Variants in COL4A4 observed in about 807,000 individuals in gnomAD.
The protein encoded by COL4A4 is collagen alpha-4(IV) chain.
Under a neutral mutation model 192.9 loss-of-function variants are expected in COL4A4, and 105 were observed. The ratio of observed to expected loss-of-function variants is 0.54; its 90% CI spans 0.46 to 0.64. COL4A4 has a LOEUF of 0.64. Among genes scored for constraint, COL4A4 ranks in the 30% least tolerant of loss-of-function variants. The probability of loss-of-function intolerance (pLI) is 0.00; values close to 1 mark genes in which losing one functional copy is unlikely to be tolerated. For synonymous variants in COL4A4, 762 were observed against 769.9 expected (o/e 0.99, Z 0.17); for missense variants, 1,967 against 2,169.3 (o/e 0.91, Z 1.85).
Position 227,045,861 on chromosome 2 carries a change from TACAC to T in COL4A4, c.3289+1610_3289+1613del, listed in dbSNP as rs1559488341. Among the ~76,000 whole-genome samples, 776 of 87,736 alleles carry T rather than the reference TACAC, an allele frequency of 8.8e-3. 87 individuals are homozygous for T. Among genetic ancestry groups the T allele is most frequent in the African/African-American group, 0.028 (527 of 18,684 alleles). The allele number at this position is 87,736 out of a possible 152,430, so 57.6% of individuals were successfully genotyped here. On this transcript the variant is annotated intron_variant, in intron 35 of 47. Transcript: ENST00000396625. Reference sequence around the variant, plus strand: ...ACATATATATATACACATATATATATACACATATATATACATATATATGTATATA... The same window carrying T: ...ACATATATATATACACATATATATATATATATATACATATATATGTATATA...
intron 37 of COL4A4, among the ~76,000 whole-genome samples, chr2:227,039,249 C>T (rs1970308600): frequency 6.6e-6 from 1 of 152,194 alleles, no homozygotes; most frequent in Non-Finnish European, 1.5e-5. Flanking sequence ...TCACTGCAAC[C>T]TCCACCTCCT....
the COL4A4 span, chr2:226,988,867 TG>T: frequency 4.6e-6 from 1 of 219,496 alleles, no homozygotes; most frequent in Non-Finnish European, 7.7e-6. Context: ...CCTTACTCCT[TG>T]TCAAAGGAGA....
In COL4A4 at chr2:227,114,595, A is replaced by T. The variant is rs188634442; in HGVS notation, c.558+33T>A. On this transcript the variant is annotated intron_variant, in intron 8 of 47. Transcript: ENST00000396625. ...ATGGGCTTACCTATTTGGAAGAAAA[A>T]ATTTTTTAACCCATCATGATCATAA... is the stretch of plus-strand genomic sequence containing the variant. 338 of 1,589,392 alleles carry T rather than the reference A, an allele frequency of 2.1e-4. 1 individual carries two copies. Among genetic ancestry groups the T allele is most frequent in the Non-Finnish European group, 2.7e-4 (316 of 1,157,492 alleles).
At chr2:226,995,633 G>A in the COL4A4 span, 1 of 770,306 alleles carries the variant, frequency 1.3e-6, no homozygotes, top group East Asian at 2.7e-5. Context: ...GAGTACACCG[G>A]TATTGCTCCA....
chr2:227,145,453 A>T (rs1188250214), intron 2 of COL4A4, among the ~76,000 whole-genome samples: 1 of 152,188 alleles, frequency 6.6e-6, no homozygotes, highest in Non-Finnish European at 1.5e-5. Context: ...TCTCAAAACA[A>T]CAAAACAAAA....
intron 12 of COL4A4, 140 bp from the exon 13 acceptor site, chr2:227,104,192 T>A (rs780723585): frequency 1.4e-6 from 1 of 727,032 alleles, no homozygotes; most frequent in South Asian, 1.5e-5. Flanking sequence ...CATCATAGAA[T>A]ATAAAAGGAT....
chr2:226,978,698 G>A, the COL4A4 span, among the ~76,000 whole-genome samples: 2 of 152,174 alleles, frequency 1.3e-5, no homozygotes, highest in African/African-American at 4.8e-5. Flanking sequence ...TTAGATTCAC[G>A]AGTAATCACT....
the COL4A4 span, among the ~76,000 whole-genome samples, chr2:226,978,377 G>A: frequency 6.6e-6 from 1 of 152,268 alleles, no homozygotes; most frequent in East Asian, 1.9e-4. Flanking sequence ...GGATGGTAAA[G>A]GGAAACATGT....
intron 19 of COL4A4, among the ~76,000 whole-genome samples, chr2:227,098,071 G>T (rs2060300333): frequency 6.6e-6 from 1 of 152,144 alleles, no homozygotes; most frequent in Non-Finnish European, 1.5e-5. Flanking sequence ...TTTACCAAAT[G>T]CCACTGTGGC....
At chr2:227,028,242 C>T (rs1967432040) in intron 41 of COL4A4, among the ~76,000 whole-genome samples, 1 of 152,086 alleles carries the variant, frequency 6.6e-6, no homozygotes. Context: ...CAAGACAAGA[C>T]CAAATTACAA....
intron 33 of COL4A4, among the ~76,000 whole-genome samples, chr2:227,050,663 T>G (rs1176940009): frequency 6.6e-6 from 1 of 152,132 alleles, no homozygotes; most frequent in Non-Finnish European, 1.5e-5. Context: ...AGGATTTGGG[T>G]GATTTTTCAG....
the COL4A4 span, among the ~76,000 whole-genome samples, chr2:226,970,909 GC>G: frequency 6.6e-6 from 1 of 152,110 alleles, no homozygotes; most frequent in Admixed American, 6.5e-5. Context: ...ACTTTTGAAA[GC>G]CCTGCCCCAC....
At chr2:227,141,698 TAGTTTA>T (rs2063220971) in intron 3 of COL4A4, among the ~76,000 whole-genome samples, 1 of 152,180 alleles carries the variant, frequency 6.6e-6, no homozygotes. Context: ...AGCGATTAGA[TAGTTTA>T]AGTTTAAAAA....
chr2:227,131,357 A>T (rs902106893), intron 4 of COL4A4, among the ~76,000 whole-genome samples: 20 of 151,976 alleles, frequency 1.3e-4, no homozygotes, highest in Non-Finnish European at 1.5e-5. Context: ...GGTTTTCGCC[A>T]TGTTAGCCAG....
the COL4A4 span, among the ~76,000 whole-genome samples, chr2:226,994,362 TGTG>T: frequency 4.9e-4 from 74 of 152,080 alleles, no homozygotes; most frequent in Non-Finnish European, 8.5e-4. Context: ...TCTGGCAGGA[TGTG>T]GTGATGATTG....
intron 38 of COL4A4, among the ~76,000 whole-genome samples, chr2:227,032,699 T>C (rs2149986171): frequency 6.6e-6 from 1 of 152,346 alleles, no homozygotes; most frequent in East Asian, 1.9e-4. Context: ...ACACATTTAA[T>C]CTATTTGGAG....
intron 20 of COL4A4, among the ~76,000 whole-genome samples, chr2:227,092,297 C>T (rs763311903): frequency 3.2e-4 from 49 of 152,122 alleles, no homozygotes; most frequent in Non-Finnish European, 6.2e-4. Context: ...CAAGCAAGAT[C>T]TCCCAACTTT....
In COL4A4 at chr2:227,135,630, C is replaced by T. The variant is rs543001946; in HGVS notation, c.192+4531G>A. Among the ~76,000 whole-genome samples, 54 of 141,472 alleles carry T rather than the reference C, an allele frequency of 3.8e-4. 1 individual carries two copies. The highest frequency in any genetic ancestry group is 1.3e-3 in the African/African-American group (53 of 40,376). The allele number at this position is 141,472 out of a possible 152,430, so 92.8% of individuals were successfully genotyped here. A position where few individuals can be genotyped will look rare whatever the true frequency, so the allele number is the denominator to read the frequency against. Reference sequence around the variant, plus strand: ...ACCAGCTCAGCTCCCAAATCCTGTCCAGGCTGGAATCTATTTTTTTTTTTC... The same window carrying T: ...ACCAGCTCAGCTCCCAAATCCTGTCTAGGCTGGAATCTATTTTTTTTTTTC... On this transcript the variant is annotated intron_variant, in intron 4 of 47. Coordinates refer to ENST00000396625, the MANE Select transcript of COL4A4 (RefSeq NM_000092.5).
intron 3 of COL4A4, among the ~76,000 whole-genome samples, chr2:227,142,313 G>C (rs745630575): frequency 5.9e-5 from 9 of 152,036 alleles, no homozygotes; most frequent in Non-Finnish European, 1.2e-4. Context: ...CAATATTTCA[G>C]ACAATTAAAC....
Sources: gnomAD v4.1 joint callset for allele counts (sites outside exome capture counted in the v4.1 genomes callset) on GRCh38, gnomAD v4.1.1 for gene constraint, MANE v1.5 for transcripts, NCBI Gene and HGNC (gene_info 2026-07-23, HGNC 2026-07-21) for gene names.